The following PRSS38 variants were observed in gnomAD, a reference collection of about 807,000 sequenced individuals.
PRSS38 encodes the protein marapsin 2.
PRSS38 carries 22 observed loss-of-function variants against 26.8 expected under a neutral mutation model. That is an observed-to-expected ratio of 0.82 (90% CI 0.59 to 1.17). The LOEUF is 1.17. PRSS38 is among the 50% of genes most tolerant of loss of function. PRSS38 has a pLI of 0.00. For missense variants in PRSS38, 427 were observed against 422.7 expected (o/e 1.01, Z -0.09); for synonymous variants, 175 against 172.1 (o/e 1.02, Z -0.13).
intron 4 of PRSS38, among the ~76,000 whole-genome samples, 168 bp downstream of exon 4, chr1:227,845,780 C>T (rs1665420450): frequency 6.6e-6 from 1 of 152,182 alleles, no homozygotes; most frequent in African/African-American, 2.4e-5. Flanking sequence ...CTGCAGCAGG[C>T]CTCCCCTGCA....
chr1:227,830,610 C>G (rs1159258082), intron 3 of PRSS38, among the ~76,000 whole-genome samples: 3 of 150,636 alleles, frequency 2.0e-5, no homozygotes, highest in African/African-American at 7.3e-5. Flanking sequence ...AAGCGATTCT[C>G]CTGCCTGAGT....
At chr1:227,831,481 T>A (rs1402649819) in intron 3 of PRSS38, among the ~76,000 whole-genome samples, 1 of 152,200 alleles carries the variant, frequency 6.6e-6, no homozygotes, top group Non-Finnish European at 1.5e-5. Flanking sequence ...AGAATATGTG[T>A]CTTGCTGTCA....
chr1:227,843,221 G>C (rs1292944834), intron 3 of PRSS38, among the ~76,000 whole-genome samples: 1 of 152,162 alleles, frequency 6.6e-6, no homozygotes, highest in Admixed American at 6.5e-5. Flanking sequence ...CTTGGTTTAC[G>C]ATGCTCCAGT....
intron 3 of PRSS38, among the ~76,000 whole-genome samples, chr1:227,822,259 A>G (rs1665013850): frequency 6.6e-6 from 1 of 151,806 alleles, no homozygotes; most frequent in African/African-American, 2.4e-5. Context: ...TTCTTTGTCT[A>G]TGTTTTCCCT....
intron 3 of PRSS38, among the ~76,000 whole-genome samples, chr1:227,831,407 T>C (rs1455236909): frequency 1.3e-5 from 2 of 152,218 alleles, no homozygotes; most frequent in Non-Finnish European, 2.9e-5. Flanking sequence ...TTTGAACTTA[T>C]GGAGACATGT....
At chr1:227,827,621 T>A (rs1665094393) in intron 3 of PRSS38, among the ~76,000 whole-genome samples, 1 of 148,666 alleles carries the variant, frequency 6.7e-6, no homozygotes, top group Non-Finnish European at 1.5e-5. Context: ...CTTATTAATT[T>A]TTTTTTTTTT....
exon 1 of PRSS38, chr1:227,815,726 C>T (rs1471040012): frequency 6.3e-7 from 1 of 1,591,436 alleles, no homozygotes; most frequent in Admixed American, 1.7e-5. Context: ...CATGGCTGCC[C>T]CTGCTTCCGT....
chr1:227,830,731 G>A (rs894300310), intron 3 of PRSS38, among the ~76,000 whole-genome samples: 7 of 151,516 alleles, frequency 4.6e-5, no homozygotes, highest in Admixed American at 6.6e-5. Context: ...TCTCGAACTC[G>A]TGGCCTCAGG....
At chr1:227,834,291 A>G (rs1274167509) in intron 3 of PRSS38, among the ~76,000 whole-genome samples, 2 of 152,180 alleles carry the variant, frequency 1.3e-5, no homozygotes, top group Non-Finnish European at 2.9e-5. Flanking sequence ...CAGCAGCCCT[A>G]GGAAACAAAT....
Position 227,816,093 on chromosome 1 carries a change from G to A in PRSS38, c.152G>A (p.Cys51Tyr), listed in dbSNP as rs1050405074. 2 of 1,612,112 alleles carry A rather than the reference G, an allele frequency of 1.2e-6. No homozygotes were observed. The highest frequency in any genetic ancestry group is 8.5e-7 in the Non-Finnish European group (1 of 1,179,118). Residue 51 changes from cysteine to tyrosine, a missense_variant, in exon 2 of 5, where the codon TGT (cysteine) becomes TAT (tyrosine). By Grantham distance (194) the Cys-to-Tyr change is radical (BLOSUM62 -2). Transcript: ENST00000366757. This position sits in a 1 kb window ranked among gnomAD's most constrained non-coding sequence, Gnocchi z 5.1. The stretch of plus-strand genomic sequence containing the variant: ...GTCAGCTCCGTTCTCCCTGCAGCCT[G>A]TGGTCGGCCCAGCATGGAGGGGAAA...
chr1:227,832,957 T>C (rs1416459186), intron 3 of PRSS38, among the ~76,000 whole-genome samples: 2 of 152,138 alleles, frequency 1.3e-5, no homozygotes, highest in Non-Finnish European at 2.9e-5. Flanking sequence ...AAAATATACC[T>C]ATAATAATGT....
chr1:227,816,039 C>T lies in PRSS38; in HGVS notation c.149-51C>T, dbSNP rs2102670183. Reference sequence around the variant, plus strand: ...CCCCCACGTCCCCTGCCTGCCCTACCTCTCCCGTGGCCCCAGCATGGCTCC... The same window carrying T: ...CCCCCACGTCCCCTGCCTGCCCTACTTCTCCCGTGGCCCCAGCATGGCTCC... On this transcript the variant is annotated intron_variant, in intron 1 of 4. Coordinates refer to ENST00000366757, the Ensembl canonical transcript of PRSS38. The surrounding 1 kb of genome is among the most constrained non-coding windows in gnomAD (Gnocchi z 5.1). The T allele has an allele frequency of 6.3e-7, 1 of 1,580,830 alleles. No homozygotes were observed. Among genetic ancestry groups the T allele is most frequent in the Non-Finnish European group, 8.6e-7 (1 of 1,159,156 alleles).
intron 3 of PRSS38, among the ~76,000 whole-genome samples, chr1:227,825,703 ATTTCT>A (rs769366092): frequency 6.6e-6 from 1 of 151,964 alleles, no homozygotes; most frequent in Non-Finnish European, 1.5e-5. Context: ...GTGCAGTCTT[ATTTCT>A]GAGTTTTCTA....
chr1:227,839,667 G>A (rs1480930354), intron 3 of PRSS38, among the ~76,000 whole-genome samples: 1 of 152,150 alleles, frequency 6.6e-6, no homozygotes, highest in Non-Finnish European at 1.5e-5. Flanking sequence ...TTTTACAAGT[G>A]CGGACCTCAG....
intron 3 of PRSS38, among the ~76,000 whole-genome samples, chr1:227,834,485 AT>A (rs1252015761): frequency 6.6e-6 from 1 of 152,152 alleles, no homozygotes; most frequent in Non-Finnish European, 1.5e-5. Context: ...CCAGGGCAAC[AT>A]GGTGAAACTC....
chr1:227,816,014 C>A lies in PRSS38; in HGVS notation c.149-76C>A. The stretch of plus-strand genomic sequence containing the variant: ...CCTTCCTCCTGTGTCCCCTGCCCCT[C>A]CCCCACGTCCCCTGCCTGCCCTACC... On this transcript the variant is annotated intron_variant, in intron 1 of 4. Transcript: ENST00000366757. This position sits in a 1 kb window ranked among gnomAD's most constrained non-coding sequence, Gnocchi z 5.1. 1 of 1,517,172 alleles carries A rather than the reference C, an allele frequency of 6.6e-7. No individual in the cohort carries two copies. The highest frequency in any genetic ancestry group is 9.0e-7 in the Non-Finnish European group (1 of 1,110,244). 94.0% of individuals were successfully genotyped at this position (1,517,172 alleles called of 1,614,324 possible).
At chr1:227,826,593 G>A (rs2102677047) in intron 3 of PRSS38, among the ~76,000 whole-genome samples, 1 of 152,276 alleles carries the variant, frequency 6.6e-6, no homozygotes, top group Admixed American at 6.5e-5. Context: ...GCATACATCT[G>A]TAGTCCCAGC....
At chr1:227,845,303 CTCCCTATGTGTGGTGGGACTCA>C (rs1300649164) in intron 3 of PRSS38, among the ~76,000 whole-genome samples, 145 bp from the exon 4 acceptor site, 2 of 151,922 alleles carry the variant, frequency 1.3e-5, no homozygotes, top group African/African-American at 4.8e-5. Flanking sequence ...GTCAGGACTC[CTCCCTATGTGTGGTGGGACTCA>C]TCCCTATGTG....
chr1:227,844,818 C>T (rs1665394438), intron 3 of PRSS38, among the ~76,000 whole-genome samples: 1 of 149,368 alleles, frequency 6.7e-6, no homozygotes, highest in Non-Finnish European at 1.5e-5. Flanking sequence ...GGTGGGACTC[C>T]TCACCATGGG....
Sources: allele counts gnomAD v4.1 joint callset (sites outside exome capture counted in the v4.1 genomes callset), GRCh38; gene constraint gnomAD v4.1.1; non-coding constraint Gnocchi (gnomAD v3.1); transcripts MANE v1.5; gene names NCBI Gene and HGNC (gene_info 2026-07-23, HGNC 2026-07-21).